Variants in CIZ1 observed in about 807,000 individuals in gnomAD.
The protein encoded by CIZ1 is CDKN1A interacting zinc finger protein 1.
CIZ1 carries 58 observed loss-of-function variants against 118.6 expected under a neutral mutation model. The ratio of observed to expected loss-of-function variants is 0.49; its 90% CI spans 0.40 to 0.61. CIZ1 has a LOEUF of 0.61. Ranked by LOEUF, CIZ1 falls within the 20% of genes least tolerant of loss-of-function variation. The pLI is 0.00. For missense variants in CIZ1, 921 were observed against 1,115.9 expected, an observed-to-expected ratio of 0.83 and a Z score of 2.49; for synonymous variants, 448 against 443.4, an observed-to-expected ratio of 1.01 and a Z score of -0.13.
At position 128,180,838 on chromosome 9, in the gene CIZ1, T is replaced by G. The variant is rs750825265; in HGVS notation, c.589-24A>C. ...TCCTGCTTCCTTTCAGAAACTATGT[T>G]GACATCCAATACCCACCCCTATCAA... On this transcript the variant is annotated intron_variant, in intron 5 of 16. Transcript: ENST00000372938. 7.8e-6 allele frequency: 12 copies of G among 1,532,326 alleles called. 1 individual carries two copies. In the Admixed American group the frequency reaches 2.0e-4, roughly 26 times the overall value. 94.9% of individuals were successfully genotyped at this position (1,532,326 alleles called of 1,614,324 possible).
At chr9:128,195,243 A>G (rs1588280417), upstream of CIZ1, among the ~76,000 whole-genome samples, 2 of 152,206 alleles carry the variant, frequency 1.3e-5, no homozygotes, top group South Asian at 4.1e-4. Flanking sequence ...TTCAAAGGAT[A>G]AACACCCACA....
At chr9:128,194,646 G>C (rs545566235), upstream of CIZ1, among the ~76,000 whole-genome samples, 1 of 151,758 alleles carries the variant, frequency 6.6e-6, no homozygotes, top group Non-Finnish European at 1.5e-5. Flanking sequence ...GTGAAACCCC[G>C]TCTCTACTAA....
chr9:128,168,518 A>G (rs1205188092), intron 14 of CIZ1, among the ~76,000 whole-genome samples: 1 of 147,682 alleles, frequency 6.8e-6, no homozygotes, highest in African/African-American at 2.6e-5. Context: ...TCCGTCTTGA[A>G]AAAAAAAAAG....
At chr9:128,181,457 G>A (rs1831602731) in intron 5 of CIZ1, among the ~76,000 whole-genome samples, 1 of 152,202 alleles carries the variant, frequency 6.6e-6, no homozygotes, top group Admixed American at 6.5e-5. Flanking sequence ...GATTATATAT[G>A]AGTATCATTA....
At chr9:128,194,306 G>T, upstream of CIZ1, among the ~76,000 whole-genome samples, 1 of 142,078 alleles carries the variant, frequency 7.0e-6, no homozygotes, top group Non-Finnish European at 1.5e-5. Flanking sequence ...AGGTTGCAGT[G>T]AGCCAAGATC....
At chr9:128,183,247 G>A (rs1246350538) in intron 5 of CIZ1, among the ~76,000 whole-genome samples, 1 of 152,168 alleles carries the variant, frequency 6.6e-6, no homozygotes, top group Non-Finnish European at 1.5e-5. Flanking sequence ...CACCCTGCAC[G>A]AAACAGGCAC....
intron 9 of CIZ1, among the ~76,000 whole-genome samples, chr9:128,177,991 G>A (rs1831082220): frequency 6.6e-6 from 1 of 152,188 alleles, no homozygotes; most frequent in Non-Finnish European, 1.5e-5. Context: ...TTGTATGACA[G>A]ATGGGGAAAC....
At chr9:128,173,905 C>T (rs920944596) in intron 11 of CIZ1, among the ~76,000 whole-genome samples, 1 of 151,868 alleles carries the variant, frequency 6.6e-6, no homozygotes, top group African/African-American at 2.4e-5. Flanking sequence ...ACTCGGGAGG[C>T]GGAGGCAGGA....
intron 2 of CIZ1, 57 bp from the exon 3 acceptor site, chr9:128,190,501 C>T (rs1256465644): frequency 1.4e-6 from 2 of 1,436,074 alleles, no homozygotes; most frequent in East Asian, 2.4e-5. Context: ...CTTCCTTCTT[C>T]CCCAAGGCTT....
At chr9:128,167,494 C>A in intron 14 of CIZ1, 2 of 262,430 alleles carry the variant, frequency 7.6e-6, no homozygotes, top group South Asian at 1.6e-4. Context: ...TATGGCTACA[C>A]ACATTTTACT....
At chr9:128,191,762 G>A (rs1833186841), upstream of CIZ1, 1 of 1,407,366 alleles carries the variant, frequency 7.1e-7, no homozygotes, top group South Asian at 1.5e-5. This position sits in a 1 kb window ranked among gnomAD's most constrained non-coding sequence, Gnocchi z 5.5. Flanking sequence ...CATCGCGAAG[G>A]GGAGGCTCGG....
At position 128,166,878 on chromosome 9, in the gene CIZ1, C is replaced by T. The variant is rs1829494646; in HGVS notation, c.2368G>A (p.Val790Met). The T allele has an allele frequency of 1.9e-6, 3 of 1,614,234 alleles. No homozygotes were observed. Among genetic ancestry groups the T allele is most frequent in the African/African-American group, 2.7e-5 (2 of 75,066 alleles). The change falls in exon 16 of 17, where the codon GTG (valine) becomes ATG (methionine). Residue 790 changes from valine to methionine, a missense_variant and splice_region_variant. By Grantham distance (21) the Val-to-Met change is conservative. Transcript: ENST00000372938. This position sits in a 1 kb window ranked among gnomAD's most constrained non-coding sequence, Gnocchi z 4.4. ...ETYSPNTAYG[V>M]DFLVPVMGYI... Reference sequence around the variant, plus strand: ...CCCATCACGGGCACCAGGAAGTCCACACCTGTAGGATGGGATGGCAGGGTC... The same window carrying T: ...CCCATCACGGGCACCAGGAAGTCCATACCTGTAGGATGGGATGGCAGGGTC...
At chr9:128,185,842 C>A in intron 4 of CIZ1, 66 bp from the exon 5 acceptor site, 1 of 1,071,758 alleles carries the variant, frequency 9.3e-7, no homozygotes. Flanking sequence ...TAGGGTCAGG[C>A]ATCAGTGCCC....
At position 128,170,090 on chromosome 9, in the gene CIZ1, C is replaced by T. The variant is rs754102259; in HGVS notation, c.1961G>A (p.Arg654His). ...GTAGAGCTGGCAGGTGTTGCACCAG[C>T]GCCTTGGTGGAGGCTCCCTGAATGA... The part of the protein sequence containing the change: ...ETEDEEPPPR[R>H]WCNTCQLYYM... Residue 654 changes from arginine to histidine, a missense_variant, in exon 12 of 17, where the codon CGC (arginine) becomes CAC (histidine). Transcript: ENST00000372938. The T allele has an allele frequency of 8.1e-6, 13 of 1,609,142 alleles. No homozygotes were observed. Among genetic ancestry groups the T allele is most frequent in the African/African-American group, 8.0e-5 (6 of 74,688 alleles).
At chr9:128,174,018 A>AAAC (rs148549931) in intron 11 of CIZ1, among the ~76,000 whole-genome samples, 3 of 23,262 alleles carry the variant, frequency 1.3e-4, no homozygotes, top group African/African-American at 2.4e-4. Context: ...AAACAAAACA[A>AAAC]AAAAACAAAA....
Position 128,191,521 on chromosome 9 carries a change from C to A in CIZ1, c.-95G>T, listed in dbSNP as rs980881685. The A allele has an allele frequency of 2.0e-6, 2 of 1,013,600 alleles. No individual in the cohort carries two copies. The highest frequency in any genetic ancestry group is 3.4e-5 in the African/African-American group (2 of 58,286). 62.8% of individuals were successfully genotyped at this position (1,013,600 alleles called of 1,614,324 possible). A position where few individuals can be genotyped will look rare whatever the true frequency, so the allele number is the denominator to read the frequency against. ...CACGCCTCGGCCGGGCGGCTCCGGC[C>A]CGCGGGCTCCCGGCCTCCCCGCTGC... On this transcript the variant is annotated 5_prime_UTR_variant, in exon 1 of 17. Transcript: ENST00000372938. This position sits in a 1 kb window ranked among gnomAD's most constrained non-coding sequence, Gnocchi z 5.5.
At chr9:128,176,609 T>G in intron 10 of CIZ1, 134 bp from the exon 11 acceptor site, 1 of 923,842 alleles carries the variant, frequency 1.1e-6, no homozygotes, top group South Asian at 1.7e-5. Flanking sequence ...CTCTCTTGTG[T>G]AGGCTAGAGC....
intron 11 of CIZ1, 69 bp from the exon 12 acceptor site, chr9:128,170,176 A>T: frequency 7.5e-7 from 1 of 1,338,426 alleles, no homozygotes; most frequent in Non-Finnish European, 1.1e-6. Context: ...AGAGCGCTCC[A>T]TAAGTGTAAT....
At chr9:128,191,666 A>C, upstream of CIZ1, 2 of 1,277,682 alleles carry the variant, frequency 1.6e-6, no homozygotes, top group South Asian at 4.5e-5. This position sits in a 1 kb window ranked among gnomAD's most constrained non-coding sequence, Gnocchi z 5.5. Flanking sequence ...CGCCCAGTGC[A>C]CAAGTCACGC....
Sources: allele counts gnomAD v4.1 joint callset (sites outside exome capture counted in the v4.1 genomes callset), GRCh38; gene constraint gnomAD v4.1.1; non-coding constraint Gnocchi (gnomAD v3.1); transcripts MANE v1.5; gene names NCBI Gene and HGNC (gene_info 2026-07-23, HGNC 2026-07-21).